The following SLC12A2 variants were observed in gnomAD, a reference collection of about 807,000 sequenced individuals.
The protein encoded by SLC12A2 is solute carrier family 12 member 2.
Under a neutral mutation model 136.3 loss-of-function variants are expected in SLC12A2, and 67 were observed. That is an observed-to-expected ratio of 0.49 (90% CI 0.40 to 0.60). The LOEUF (loss-of-function observed/expected upper bound fraction) is 0.60, where lower values mean the gene tolerates loss of function less well. Ranked by LOEUF, SLC12A2 falls within the 20% of genes least tolerant of loss-of-function variation. The pLI is 0.00. For missense variants in SLC12A2, 1,322 were observed against 1,534.7 expected, an observed-to-expected ratio of 0.86 and a Z score of 2.32; for synonymous variants, 619 against 562.9, an observed-to-expected ratio of 1.10 and a Z score of -1.41.
At chr5:128,133,296 T>G (rs17607500) in intron 5 of SLC12A2, among the ~76,000 whole-genome samples, 27,500 of 152,092 alleles carry the variant, frequency 0.18, 3,309 homozygotes, top group Non-Finnish European at 0.25. Context: ...TTCTATGCCT[T>G]CAGTTGACAA....
intron 1 of SLC12A2, among the ~76,000 whole-genome samples, chr5:128,094,356 A>G (rs1760444240): frequency 6.6e-6 from 1 of 151,896 alleles, no homozygotes; most frequent in Admixed American, 6.6e-5. Context: ...TCTCTAAAGA[A>G]TGTTTGGCAG....
intron 1 of SLC12A2, among the ~76,000 whole-genome samples, chr5:128,108,760 TTAAAC>T (rs1438988074): frequency 2.6e-5 from 4 of 152,238 alleles, no homozygotes; most frequent in Non-Finnish European, 4.4e-5. Flanking sequence ...CTTGTACACT[TTAAAC>T]TAGTGAGTTT....
chr5:128,157,831 A>G (rs573084950), intron 15 of SLC12A2, among the ~76,000 whole-genome samples: 4 of 152,226 alleles, frequency 2.6e-5, no homozygotes, highest in Non-Finnish European at 5.9e-5. Context: ...AATAGTACCT[A>G]TTATTTTAGA....
At chr5:128,101,888 T>C (rs1012165017) in intron 1 of SLC12A2, among the ~76,000 whole-genome samples, 1 of 152,236 alleles carries the variant, frequency 6.6e-6, no homozygotes, top group Non-Finnish European at 1.5e-5. Flanking sequence ...ATAAATCCTT[T>C]AACACCACCA....
intron 3 of SLC12A2, 128 bp downstream of exon 3, chr5:128,114,415 C>A: frequency 1.2e-6 from 1 of 822,778 alleles, no homozygotes; most frequent in Non-Finnish European, 2.0e-6. Flanking sequence ...AGATTGTTAT[C>A]TTGATGTTCC....
intron 4 of SLC12A2, among the ~76,000 whole-genome samples, chr5:128,119,133 C>T (rs936980572): frequency 6.6e-6 from 1 of 152,034 alleles, no homozygotes; most frequent in Non-Finnish European, 1.5e-5. Context: ...TTTTGACTGC[C>T]TACCTTGTAA....
At chr5:128,097,989 G>T (rs1483930394) in intron 1 of SLC12A2, among the ~76,000 whole-genome samples, 1 of 151,934 alleles carries the variant, frequency 6.6e-6, no homozygotes, top group Non-Finnish European at 1.5e-5. Context: ...TCTTCTTTCA[G>T]CCTTTTCAGT....
At chr5:128,123,886 CTG>C (rs1761681402) in intron 4 of SLC12A2, among the ~76,000 whole-genome samples, 1 of 152,078 alleles carries the variant, frequency 6.6e-6, no homozygotes, top group Non-Finnish European at 1.5e-5. Flanking sequence ...AGATTTTCTT[CTG>C]TGTTTTCTTC....
chr5:128,150,967 AT>A (rs759262744), intron 13 of SLC12A2, among the ~76,000 whole-genome samples: 37 of 149,402 alleles, frequency 2.5e-4, no homozygotes, highest in African/African-American at 6.1e-4. Context: ...AGGTAGGTTG[AT>A]TTTTTTTTTA....
chr5:128,130,714 A>G (rs72794380), intron 4 of SLC12A2, among the ~76,000 whole-genome samples: 2,926 of 152,108 alleles, frequency 0.019, 37 homozygotes, highest in Non-Finnish European at 0.031. Context: ...TAAAAGTTAC[A>G]TTAAGATTAA....
chr5:128,132,081 G>A (rs1249157459), intron 5 of SLC12A2, among the ~76,000 whole-genome samples: 4 of 152,184 alleles, frequency 2.6e-5, no homozygotes, highest in East Asian at 3.8e-4. Context: ...TAATACTAGA[G>A]AGAGAAAAAA....
At chr5:128,114,389 C>A in intron 3 of SLC12A2, 102 bp downstream of exon 3, 1 of 939,222 alleles carries the variant, frequency 1.1e-6, no homozygotes, top group Non-Finnish European at 1.7e-6. Context: ...TTTTTAACTA[C>A]GTTTTCCTTT....
Position 128,138,507 on chromosome 5 carries a change from AG to A in SLC12A2, c.1409-86del, listed in dbSNP as rs113485643. 151 of 1,147,734 alleles carry A rather than the reference AG, an allele frequency of 1.3e-4. No homozygotes were observed. In the African/African-American group the frequency reaches 2.0e-3, roughly 15 times the overall value. 71.1% of individuals were successfully genotyped at this position (1,147,734 alleles called of 1,614,324 possible). On this transcript the variant is annotated intron_variant, in intron 7 of 26. Transcript: ENST00000262461. ...TCGTTACTTTAACTGAAGAAAAGTT[AG>A]GGGTCATGTATACCTATTATTCTTG...
rs1762918027 is a variant in SLC12A2 at position 128,158,073 on chromosome 5, C to T, written c.2384C>T (p.Thr795Ile). Reference sequence around the variant, plus strand: ...ATTAGGCCACAGTGTCTTGTTATGACAGGTGCTCCAAACTCACGTCCAGCT... The same window carrying T: ...ATTAGGCCACAGTGTCTTGTTATGATAGGTGCTCCAAACTCACGTCCAGCT... ...KNFRPQCLVM[T>I]GAPNSRPALL... The change falls in exon 16 of 27, where the codon ACA (threonine) becomes ATA (isoleucine). Residue 795 changes from threonine to isoleucine, a missense_variant. By Grantham distance (89) the Thr-to-Ile change is moderately conservative (BLOSUM62 -1). Transcript: ENST00000262461. The T allele has an allele frequency of 6.2e-7, 1 of 1,613,030 alleles. No individual in the cohort carries two copies. Among genetic ancestry groups the T allele is most frequent in the Admixed American group, 1.7e-5 (1 of 59,866 alleles).
intron 1 of SLC12A2, among the ~76,000 whole-genome samples, chr5:128,089,936 G>A (rs934651868): frequency 4.6e-5 from 7 of 152,048 alleles, no homozygotes; most frequent in Admixed American, 1.3e-4. Context: ...GTCTCTCGAG[G>A]GTGAGGGGAA....
rs1762923025 is a variant in SLC12A2, at chr5:128,158,182, T to C, written c.2475+18T>C. 2 of 1,578,090 alleles carry C rather than the reference T, an allele frequency of 1.3e-6. No homozygotes were observed. Among genetic ancestry groups the C allele is most frequent in the Non-Finnish European group, 1.7e-6 (2 of 1,159,922 alleles). ...TACATATGGTAAGTATCAATTTTGT[T>C]TTCTTTTTCAAGTTTTTTTTTAAAG... is the stretch of plus-strand genomic sequence containing the variant. On this transcript the variant is annotated intron_variant, in intron 16 of 26. Coordinates refer to ENST00000262461, the MANE Select transcript of SLC12A2 (RefSeq NM_001046.3).
At chr5:128,164,864 T>G (rs62373735) in intron 17 of SLC12A2, among the ~76,000 whole-genome samples, 1 of 144,136 alleles carries the variant, frequency 6.9e-6, no homozygotes, top group Non-Finnish European at 1.5e-5. Context: ...TTTTTTTTTT[T>G]GGAGACAGAA....
At chr5:128,097,815 A>C (rs1233833170) in intron 1 of SLC12A2, among the ~76,000 whole-genome samples, 1 of 152,090 alleles carries the variant, frequency 6.6e-6, no homozygotes, top group African/African-American at 2.4e-5. Flanking sequence ...ATTTATATTC[A>C]TTCTTTTTTG....
At chr5:128,086,562 G>A (rs1437701046) in intron 1 of SLC12A2, among the ~76,000 whole-genome samples, 1 of 152,016 alleles carries the variant, frequency 6.6e-6, no homozygotes, top group Non-Finnish European at 1.5e-5. Context: ...TAATTCTTAC[G>A]TTATTAGGTG....
Sources: gnomAD v4.1 joint callset for allele counts (sites outside exome capture counted in the v4.1 genomes callset) on GRCh38, gnomAD v4.1.1 for gene constraint, MANE v1.5 for transcripts, NCBI Gene and HGNC (gene_info 2026-07-23, HGNC 2026-07-21) for gene names.